IGFL4: variants seen among roughly 807,000 people sequenced by gnomAD.
IGFL4 encodes the protein insulin growth factor-like family member 4.
In IGFL4, 12 loss-of-function variants were observed where a neutral mutation model predicts 15.4. The observed-to-expected ratio is 0.78, with a 90% CI of 0.50 to 1.26. The LOEUF (loss-of-function observed/expected upper bound fraction) is 1.26, where lower values mean the gene tolerates loss of function less well. IGFL4 is among the 50% of genes most tolerant of loss of function. The probability of loss-of-function intolerance (pLI) is 0.00; values close to 1 mark genes in which losing one functional copy is unlikely to be tolerated. For synonymous variants in IGFL4, 54 were observed against 55.9 expected, an observed-to-expected ratio of 0.97 and a Z score of 0.16; for missense variants, 126 against 147.8, an observed-to-expected ratio of 0.85 and a Z score of 0.76.
chr19:46,068,483 G>A (rs1003991417), intron 1 of IGFL4, among the ~76,000 whole-genome samples: 5 of 152,320 alleles, frequency 3.3e-5, no homozygotes, highest in East Asian at 1.9e-4. Flanking sequence ...TGTGGGATAC[G>A]TTTACCAGAT....
intron 1 of IGFL4, among the ~76,000 whole-genome samples, chr19:46,065,439 G>A (rs919653377): frequency 4.6e-5 from 7 of 152,172 alleles, no homozygotes; most frequent in Admixed American, 6.5e-5. Flanking sequence ...CTCCCAAGTA[G>A]CTGGAAATAC....
intron 2 of IGFL4, among the ~76,000 whole-genome samples, chr19:46,057,487 T>A (rs934233549): frequency 1.8e-4 from 27 of 152,270 alleles, no homozygotes; most frequent in South Asian, 8.3e-4. Context: ...TAATAATAAT[T>A]ATTATTTTTT....
chr19:46,057,544 C>G (rs1235693512), intron 2 of IGFL4: 1 of 152,120 alleles, frequency 6.6e-6, no homozygotes, highest in Non-Finnish European at 1.5e-5. Flanking sequence ...AAAAGAATGG[C>G]TACTCCATAG....
At chr19:46,075,947 A>T (rs1469600710) in intron 1 of IGFL4, among the ~76,000 whole-genome samples, 1 of 152,190 alleles carries the variant, frequency 6.6e-6, no homozygotes, top group South Asian at 2.1e-4. Context: ...TCCTGCTGCT[A>T]TAACAAAATA....
intron 1 of IGFL4, chr19:46,062,778 GT>G (rs1268078231): frequency 7.2e-5 from 11 of 152,274 alleles, no homozygotes; most frequent in Non-Finnish European, 1.3e-4. Flanking sequence ...TGAATCAAAA[GT>G]TTAGGCCGCC....
At chr19:46,071,719 G>T (rs1268410575) in intron 1 of IGFL4, among the ~76,000 whole-genome samples, 1 of 152,162 alleles carries the variant, frequency 6.6e-6, no homozygotes, top group African/African-American at 2.4e-5. Context: ...TTCTAAAATA[G>T]CCTTCAAAAA....
intron 1 of IGFL4, among the ~76,000 whole-genome samples, chr19:46,066,598 T>C (rs1047811310): frequency 5.3e-5 from 8 of 152,206 alleles, no homozygotes; most frequent in African/African-American, 1.9e-4. Flanking sequence ...TCTGGTTGGC[T>C]TCTGGTGAGG....
At position 46,039,845 on chromosome 19, in the gene IGFL4, A is replaced by C. The variant is rs201582820; in HGVS notation, c.*47T>G. On this transcript the variant is annotated 3_prime_UTR_variant, in exon 4 of 4. Coordinates refer to ENST00000377697, the MANE Select transcript of IGFL4 (RefSeq NM_001002923.3). ...CAAAATCAATGCAGTATAATTACCA[A>C]GTATTAGATTCTAGAGTGATCTGTG... is the stretch of plus-strand genomic sequence containing the variant. 5.2e-4 allele frequency: 761 copies of C among 1,453,994 alleles called. 3 individuals carry two copies. The highest frequency in any genetic ancestry group is 7.2e-5 in the Non-Finnish European group (74 of 1,034,148). The allele number at this position is 1,453,994 out of a possible 1,614,324, so 90.1% of individuals were successfully genotyped here.
exon 2 of IGFL4, chr19:46,060,215 CAG>C (rs1969431867): frequency 6.6e-6 from 1 of 152,124 alleles, no homozygotes; most frequent in Admixed American, 6.5e-5. Context: ...AGAAATCAGG[CAG>C]AGAGAAACAA....
chr19:46,051,048 G>T (rs755769693), intron 2 of IGFL4, among the ~76,000 whole-genome samples: 6 of 152,180 alleles, frequency 3.9e-5, no homozygotes, highest in Non-Finnish European at 8.8e-5. Context: ...TATCAGCCAA[G>T]AATTTTTCAT....
At chr19:46,061,213 A>G (rs747239051) in intron 1 of IGFL4, among the ~76,000 whole-genome samples, 1 of 152,182 alleles carries the variant, frequency 6.6e-6, no homozygotes, top group African/African-American at 2.4e-5. Context: ...AAAACAATCC[A>G]CATTCCCATG....
At chr19:46,069,269 C>A (rs547038782) in intron 1 of IGFL4, among the ~76,000 whole-genome samples, 1 of 152,336 alleles carries the variant, frequency 6.6e-6, no homozygotes, top group African/African-American at 2.4e-5. Context: ...TTGCTGAGGT[C>A]ATTTGCTCTG....
intron 2 of IGFL4, among the ~76,000 whole-genome samples, chr19:46,053,424 A>G (rs1428152817): frequency 2.0e-5 from 3 of 152,168 alleles, no homozygotes; most frequent in Non-Finnish European, 4.4e-5. Flanking sequence ...CATGTTGGCC[A>G]GGGTGGTCTG....
chr19:46,069,000 T>C (rs1211440958), intron 1 of IGFL4, among the ~76,000 whole-genome samples: 2 of 152,356 alleles, frequency 1.3e-5, no homozygotes, highest in Non-Finnish European at 2.9e-5. Context: ...CCTCTGATTC[T>C]GACTGGAGGG....
At chr19:46,052,971 A>G (rs1208277514) in intron 2 of IGFL4, among the ~76,000 whole-genome samples, 3 of 151,154 alleles carry the variant, frequency 2.0e-5, no homozygotes, top group African/African-American at 2.4e-5. Flanking sequence ...GAAAAGAAAA[A>G]AAAAAAAAAA....
chr19:46,073,159 G>C (rs143885939), intron 1 of IGFL4, among the ~76,000 whole-genome samples: 2 of 152,110 alleles, frequency 1.3e-5, no homozygotes, highest in Non-Finnish European at 2.9e-5. Context: ...AACATTAGAC[G>C]AAGTTGGGTG....
upstream of IGFL4, among the ~76,000 whole-genome samples, chr19:46,043,418 G>C (rs911155078): frequency 6.6e-6 from 1 of 152,114 alleles, no homozygotes. Flanking sequence ...AACCCAAGCA[G>C]GATTTGTCTC....
upstream of IGFL4, among the ~76,000 whole-genome samples, chr19:46,043,598 T>C (rs115194957): frequency 2.0e-3 from 297 of 152,304 alleles, 1 homozygote; most frequent in African/African-American, 6.9e-3. Flanking sequence ...GAGAGATACA[T>C]AGATCAATGG....
intron 1 of IGFL4, among the ~76,000 whole-genome samples, chr19:46,061,557 A>G (rs775526368): frequency 6.6e-6 from 1 of 152,234 alleles, no homozygotes; most frequent in Non-Finnish European, 1.5e-5. Context: ...CAGTTTCTAC[A>G]GCCTAACAAG....
Sources: allele counts gnomAD v4.1 joint callset (sites outside exome capture counted in the v4.1 genomes callset), GRCh38; gene constraint gnomAD v4.1.1; transcripts MANE v1.5; gene names NCBI Gene and HGNC (gene_info 2026-07-23, HGNC 2026-07-21).